The following MYO18A variants were observed in gnomAD, a reference collection of about 807,000 sequenced individuals.
MYO18A encodes myosin XVIIIA, also known as unconventional myosin-XVIIIa.
MYO18A carries 78 observed loss-of-function variants against 235.8 expected under a neutral mutation model. That is an observed-to-expected ratio of 0.33 (90% confidence interval 0.28 to 0.40). The LOEUF is 0.40. MYO18A is among the 10% of genes least tolerant of loss of function. The pLI is 1.00. For synonymous variants in MYO18A, 977 were observed against 1,077.8 expected (o/e 0.91, Z 1.83); for missense variants, 2,215 against 2,699.3 (o/e 0.82, Z 3.98).
intron 34 of MYO18A, among the ~76,000 whole-genome samples, chr17:29,092,070 G>A (rs1309520924): frequency 6.6e-6 from 1 of 152,186 alleles, no homozygotes; most frequent in Admixed American, 6.5e-5. Context: ...TATGGTGTTG[G>A]GGCCTGCGGC....
Position 29,098,374 on chromosome 17 carries a change from A to G in MYO18A, c.3852T>C (p.Ser1284=), listed in dbSNP as rs1395167432. ...EKERNELRLN[S]DRLESRISEL... is the part of the protein sequence containing the mutation. ...CACTCACCCGGCTCTCCAGCCGGTC[A>G]CTGTTGAGCCGCAGCTCGTTCCTCT... The change falls in exon 24 of 42, where the codon AGT becomes AGC. Residue 1284 remains serine (S), a synonymous_variant. Transcript: ENST00000527372. 6.2e-7 allele frequency: 1 copy of G among 1,613,830 alleles called. No individual in the cohort carries two copies. The highest frequency in any genetic ancestry group is 1.7e-5 in the Admixed American group (1 of 60,022).
chr17:29,097,074 A>G, intron 27 of MYO18A, 149 bp downstream of exon 27: 1 of 1,390,794 alleles, frequency 7.2e-7, no homozygotes, highest in Non-Finnish European at 9.6e-7. Context: ...CTTGCTCCTG[A>G]TTGCCCCTGC....
chr17:29,162,804 T>C (rs2068201894), intron 2 of MYO18A, among the ~76,000 whole-genome samples: 1 of 152,222 alleles, frequency 6.6e-6, no homozygotes. Context: ...GGTTGATTTC[T>C]ACCAGGCCAC....
intron 2 of MYO18A, among the ~76,000 whole-genome samples, chr17:29,138,337 C>A (rs559645014): frequency 6.6e-6 from 1 of 152,102 alleles, no homozygotes; most frequent in South Asian, 2.1e-4. Context: ...CCCGCCTCGC[C>A]GCTTCTGACA....
intron 30 of MYO18A, 35 bp from the exon 31 acceptor site, chr17:29,094,125 C>A: frequency 6.6e-7 from 1 of 1,522,968 alleles, no homozygotes; most frequent in Non-Finnish European, 9.0e-7. Context: ...GGGTTCCCTC[C>A]CCAGCTGTGG....
At chr17:29,133,525 G>A (rs961947805) in intron 2 of MYO18A, among the ~76,000 whole-genome samples, 4 of 152,208 alleles carry the variant, frequency 2.6e-5, no homozygotes, top group African/African-American at 7.2e-5. Context: ...GTGTGGAGGG[G>A]TTAACCCAGA....
intron 2 of MYO18A, among the ~76,000 whole-genome samples, chr17:29,154,129 CGT>C (rs2068017456): frequency 1.8e-5 from 2 of 111,350 alleles, no homozygotes; most frequent in African/African-American, 6.2e-5. Flanking sequence ...TGTGCGCGCG[CGT>C]GCGTGTGTAT....
At chr17:29,105,928 T>G (rs1230772631) in intron 20 of MYO18A, among the ~76,000 whole-genome samples, 1 of 151,624 alleles carries the variant, frequency 6.6e-6, no homozygotes, top group African/African-American at 2.4e-5. Context: ...TCGGTGGGAG[T>G]TGGGCAGGCC....
chr17:29,081,875 T>G (rs2066132760), intron 41 of MYO18A, among the ~76,000 whole-genome samples: 1 of 152,130 alleles, frequency 6.6e-6, no homozygotes, highest in African/African-American at 2.4e-5. Context: ...GACAGAAATG[T>G]GCCTGTAACT....
chr17:29,081,072 T>TGA (rs200948129), intron 41 of MYO18A: 6 of 843,516 alleles, frequency 7.1e-6, no homozygotes, highest in Admixed American at 6.3e-5. Flanking sequence ...AGAGGGAGGT[T>TGA]GAGAGAGAGA....
chr17:29,156,962 G>A (rs1487376846), intron 2 of MYO18A, among the ~76,000 whole-genome samples: 1 of 152,236 alleles, frequency 6.6e-6, no homozygotes, highest in African/African-American at 2.4e-5. Flanking sequence ...CTCCGCCACT[G>A]TTTTTCCACA....
chr17:29,108,816 TG>T (rs11364821), intron 19 of MYO18A, among the ~76,000 whole-genome samples: 152,337 of 152,338 alleles, frequency 1, 76,168 homozygotes, highest in Middle Eastern at 1. Flanking sequence ...AGTGCTATAG[TG>T]CGGTGGCTGG....
chr17:29,099,903 C>T lies in MYO18A; in HGVS notation c.3508-141G>A, dbSNP rs570124922. On this transcript the variant is annotated intron_variant, in intron 21 of 41. Transcript: ENST00000527372. The stretch of plus-strand genomic sequence containing the variant: ...GGAAGAGCCTCAAAATCCAATTGTC[C>T]AAGAGAGGAGGGGAGGAGCAGGAAG... The T allele has an allele frequency of 8.0e-4, 994 of 1,236,378 alleles. 3 individuals are homozygous for T. Among genetic ancestry groups the T allele is most frequent in the Non-Finnish European group, 1.0e-3 (954 of 917,716 alleles). The allele number at this position is 1,236,378 out of a possible 1,614,324, so 76.6% of individuals were successfully genotyped here. A position where few individuals can be genotyped will look rare whatever the true frequency, so the allele number is the denominator to read the frequency against.
chr17:29,159,292 C>T (rs537941893), intron 2 of MYO18A, among the ~76,000 whole-genome samples: 1 of 152,054 alleles, frequency 6.6e-6, no homozygotes, highest in South Asian at 2.1e-4. Flanking sequence ...TCACCCACCA[C>T]GTCCCATGCC....
Position 29,158,493 on chromosome 17 carries a change from G to A in MYO18A, c.999+7449C>T, listed in dbSNP as rs2068106196. On this transcript the variant is annotated intron_variant, in intron 2 of 41. Coordinates refer to ENST00000527372, the MANE Select transcript of MYO18A (RefSeq NM_078471.4). This position sits in a 1 kb window ranked among gnomAD's most constrained non-coding sequence, Gnocchi z 4.3. ...ACTGCACAGCAGAGGTGGGGGCCCT[G>A]AAAACTCCGCTCTTTCGCAGTGGCT... Among the ~76,000 whole-genome samples the A allele has an allele frequency of 6.6e-6, 1 of 152,228 alleles. No individual in the cohort carries two copies. The highest frequency in any genetic ancestry group is 2.4e-5 in the African/African-American group (1 of 41,468).
At chr17:29,164,164 A>G (rs1285636860) in intron 2 of MYO18A, among the ~76,000 whole-genome samples, 1 of 152,226 alleles carries the variant, frequency 6.6e-6, no homozygotes, top group Admixed American at 6.5e-5. Flanking sequence ...TGCTGGGATT[A>G]CAGGCGTGAG....
chr17:29,120,982 C>A lies in MYO18A; in HGVS notation c.1585+16G>T. On this transcript the variant is annotated intron_variant, in intron 6 of 41. Coordinates refer to ENST00000527372, the MANE Select transcript of MYO18A (RefSeq NM_078471.4). The surrounding 1 kb of genome is among the most constrained non-coding windows in gnomAD (Gnocchi z 4.2). The stretch of plus-strand genomic sequence containing the variant: ...CCTCACCCCACTTTCAGTTTTCTCC[C>A]TTGTCCCTGCCTCACCAGAAAACAC... 1 of 1,602,526 alleles carries A rather than the reference C, an allele frequency of 6.2e-7. No homozygotes were observed. The highest frequency in any genetic ancestry group is 1.1e-5 in the South Asian group (1 of 89,120).
At position 29,087,138 on chromosome 17, in the gene MYO18A, G is replaced by C; in HGVS notation, c.5527-17C>G. On this transcript the variant is annotated splice_polypyrimidine_tract_variant and intron_variant, in intron 37 of 41. Transcript: ENST00000527372. ...AGCCAGGCTCTGGATAGGTAGGTGG[G>C]GAAGAAAGACACAGCAGGCAGGCCC... The C allele has an allele frequency of 6.2e-7, 1 of 1,606,358 alleles. No homozygotes were observed. The highest frequency in any genetic ancestry group is 8.5e-7 in the Non-Finnish European group (1 of 1,175,312).
intron 2 of MYO18A, among the ~76,000 whole-genome samples, chr17:29,148,862 A>ACGGGTCAGGCTCTGTGAGGGC (rs1567633083): frequency 2.6e-5 from 4 of 152,290 alleles, no homozygotes; most frequent in South Asian, 2.1e-4. Context: ...CACCCTACGC[A>ACGGGTCAGGCTCTGTGAGGGC]CGGGTCAGGC....
Sources: allele counts gnomAD v4.1 joint callset (sites outside exome capture counted in the v4.1 genomes callset), GRCh38; gene constraint gnomAD v4.1.1; non-coding constraint Gnocchi (gnomAD v3.1); transcripts MANE v1.5; gene names NCBI Gene and HGNC (gene_info 2026-07-23, HGNC 2026-07-21).